The following NRP1 variants were observed in gnomAD, a reference collection of about 807,000 sequenced individuals.
NRP1 encodes the protein neuropilin-1.
NRP1 carries 35 observed loss-of-function variants against 106.7 expected under a neutral mutation model. That is an observed-to-expected ratio of 0.33 (90% CI 0.25 to 0.43). The LOEUF is 0.43. NRP1 is among the 20% of genes least tolerant of loss of function. NRP1 has a pLI of 1.00. For synonymous variants in NRP1, 437 were observed against 417.9 expected (o/e 1.05, Z -0.56); for missense variants, 1,024 against 1,170.4 (o/e 0.87, Z 1.83).
intron 2 of NRP1, among the ~76,000 whole-genome samples, chr10:33,324,643 T>C (rs921097702): frequency 1.3e-5 from 2 of 151,086 alleles, no homozygotes; most frequent in Non-Finnish European, 1.5e-5. Context: ...ACCCACAGGC[T>C]TCTTTTTTTT....
At chr10:33,207,790 C>G in intron 9 of NRP1, 74 bp from the exon 10 acceptor site, 7 of 1,536,368 alleles carry the variant, frequency 4.6e-6, no homozygotes, top group Non-Finnish European at 6.2e-6. Flanking sequence ...TGTTTCTTCC[C>G]TCCTTCAGGA....
At chr10:33,267,549 A>G (rs1843004839) in intron 3 of NRP1, among the ~76,000 whole-genome samples, 1 of 152,172 alleles carries the variant, frequency 6.6e-6, no homozygotes, top group Non-Finnish European at 1.5e-5. Context: ...CATAACATAT[A>G]TCAAGTGACC....
chr10:33,299,530 G>A (rs1239998978), intron 2 of NRP1, among the ~76,000 whole-genome samples: 1 of 152,174 alleles, frequency 6.6e-6, no homozygotes, highest in Non-Finnish European at 1.5e-5. Context: ...TGTAATGCCA[G>A]CACTTTGAGA....
At chr10:33,245,902 A>C (rs1841385122) in intron 6 of NRP1, among the ~76,000 whole-genome samples, 1 of 152,214 alleles carries the variant, frequency 6.6e-6, no homozygotes, top group Non-Finnish European at 1.5e-5. Context: ...TTGATGCTAC[A>C]CAGGTAATTT....
At chr10:33,221,907 A>T in intron 7 of NRP1, 44 bp from the exon 8 acceptor site, 1 of 1,574,364 alleles carries the variant, frequency 6.4e-7, no homozygotes, top group Non-Finnish European at 8.7e-7. Flanking sequence ...GAGGTTTTGG[A>T]TTTAAATCCA....
At chr10:33,268,617 T>C (rs1843086237) in intron 3 of NRP1, among the ~76,000 whole-genome samples, 1 of 152,184 alleles carries the variant, frequency 6.6e-6, no homozygotes, top group South Asian at 2.1e-4. Flanking sequence ...TCTTTTCTCC[T>C]TCAACTGTCT....
At chr10:33,290,541 A>G (rs1183446363) in intron 2 of NRP1, among the ~76,000 whole-genome samples, 1 of 152,114 alleles carries the variant, frequency 6.6e-6, no homozygotes, top group African/African-American at 2.4e-5. Context: ...GGAAACTTGA[A>G]CACGCCACTT....
chr10:33,310,425 AT>A (rs1211565483), intron 2 of NRP1, among the ~76,000 whole-genome samples: 1 of 151,540 alleles, frequency 6.6e-6, no homozygotes, highest in Non-Finnish European at 1.5e-5. Context: ...TAATTTTTGC[AT>A]TTTTAGTAGA....
At chr10:33,246,064 AT>A (rs914944956) in intron 6 of NRP1, among the ~76,000 whole-genome samples, 19 of 151,856 alleles carry the variant, frequency 1.3e-4, no homozygotes, top group African/African-American at 3.4e-4. Flanking sequence ...CATTGCACTG[AT>A]TTTTTAAGCT....
chr10:33,252,659 G>T (rs959706714), intron 6 of NRP1, among the ~76,000 whole-genome samples: 28 of 152,036 alleles, frequency 1.8e-4, no homozygotes, highest in African/African-American at 6.8e-4. Flanking sequence ...CCCCCGAGAG[G>T]CACATCTGTC....
intron 6 of NRP1, among the ~76,000 whole-genome samples, chr10:33,247,680 G>C (rs1281220182): frequency 6.6e-6 from 1 of 152,200 alleles, no homozygotes; most frequent in Non-Finnish European, 1.5e-5. Context: ...AACATAATCA[G>C]AGTGGCCAGA....
intron 9 of NRP1, among the ~76,000 whole-genome samples, chr10:33,210,632 T>C (rs1227748252): frequency 6.6e-6 from 1 of 152,234 alleles, no homozygotes; most frequent in East Asian, 1.9e-4. Flanking sequence ...TTCGACCTTC[T>C]CTCTGTTGCT....
intron 2 of NRP1, among the ~76,000 whole-genome samples, chr10:33,329,943 T>A (rs547403475): frequency 8.5e-5 from 13 of 152,324 alleles, no homozygotes; most frequent in African/African-American, 3.1e-4. Flanking sequence ...GGAAATATAA[T>A]TTCGACTGTC....
chr10:33,199,218 A>G (rs1842627585), intron 11 of NRP1, among the ~76,000 whole-genome samples: 1 of 150,918 alleles, frequency 6.6e-6, no homozygotes, highest in African/African-American at 2.4e-5. Context: ...TATTTTTTTG[A>G]GACAGAGTCT....
intron 4 of NRP1, 128 bp from the exon 5 acceptor site, chr10:33,256,599 C>A: frequency 1.0e-6 from 1 of 986,962 alleles, no homozygotes; most frequent in East Asian, 2.6e-5. Context: ...CAAGGCTTCC[C>A]TAAGTTAATT....
intron 10 of NRP1, chr10:33,206,256 G>A (rs750890603): frequency 4.8e-5 from 25 of 518,900 alleles, no homozygotes; most frequent in Non-Finnish European, 8.1e-5. Context: ...TTGAACGAAC[G>A]CATCTGCAGT....
chr10:33,244,636 A>G (rs1841280764), intron 6 of NRP1, among the ~76,000 whole-genome samples: 1 of 152,200 alleles, frequency 6.6e-6, no homozygotes, highest in Non-Finnish European at 1.5e-5. Flanking sequence ...TTTAGGTTAC[A>G]GAAGTGGAAA....
chr10:33,244,598 G>T (rs1841278298), intron 6 of NRP1, among the ~76,000 whole-genome samples: 1 of 152,136 alleles, frequency 6.6e-6, no homozygotes, highest in Non-Finnish European at 1.5e-5. Context: ...AAACTGGTTG[G>T]TAATTGATAG....
intron 11 of NRP1, among the ~76,000 whole-genome samples, chr10:33,198,282 C>A (rs1314031232): frequency 6.6e-6 from 1 of 151,796 alleles, no homozygotes; most frequent in Non-Finnish European, 1.5e-5. Context: ...GCTGGGATTA[C>A]AGGCGTGCAC....
Sources: gnomAD v4.1 joint callset for allele counts (sites outside exome capture counted in the v4.1 genomes callset) on GRCh38, gnomAD v4.1.1 for gene constraint, MANE v1.5 for transcripts, NCBI Gene and HGNC (gene_info 2026-07-23, HGNC 2026-07-21) for gene names.